PDS5B: variants seen among roughly 807,000 people sequenced by gnomAD.
PDS5B encodes the protein sister chromatid cohesion protein PDS5 homolog B.
PDS5B carries 51 observed loss-of-function variants against 184.1 expected under a neutral mutation model. That is an observed-to-expected ratio of 0.28 (90% CI 0.22 to 0.35). PDS5B has a LOEUF of 0.35. Ranked by LOEUF, PDS5B falls within the 10% of genes least tolerant of loss-of-function variation. PDS5B has a pLI of 1.00. For missense variants in PDS5B, 1,180 were observed against 1,723.3 expected (o/e 0.68, Z 5.58); for synonymous variants, 566 against 569.2 (o/e 0.99, Z 0.08).
chr13:32,655,866 T>C (rs941790965), intron 3 of PDS5B, among the ~76,000 whole-genome samples: 2 of 152,214 alleles, frequency 1.3e-5, no homozygotes, highest in East Asian at 3.8e-4. Flanking sequence ...TTTGTTGCAG[T>C]TGGTTTTGAC....
chr13:32,748,629 A>G (rs1387266123), intron 24 of PDS5B, among the ~76,000 whole-genome samples: 1 of 152,068 alleles, frequency 6.6e-6, no homozygotes, highest in African/African-American at 2.4e-5. Context: ...TGCTAAACAG[A>G]AATTTTATAC....
chr13:32,599,981 A>T (rs2057947876), intron 1 of PDS5B, among the ~76,000 whole-genome samples: 1 of 152,134 alleles, frequency 6.6e-6, no homozygotes, highest in African/African-American at 2.4e-5. Flanking sequence ...TTCTGCTTAC[A>T]CATTATTCTG....
intron 20 of PDS5B, among the ~76,000 whole-genome samples, chr13:32,734,015 A>ACACACACACAC (rs1555312887): frequency 2.6e-3 from 153 of 58,150 alleles, no homozygotes; most frequent in African/African-American, 0.018. Context: ...CACACACACA[A>ACACACACACAC]ACATATATTT....
At chr13:32,588,775 A>G (rs2057729755) in intron 1 of PDS5B, among the ~76,000 whole-genome samples, 1 of 152,242 alleles carries the variant, frequency 6.6e-6, no homozygotes, top group Non-Finnish European at 1.5e-5. Context: ...CTGTTGGATG[A>G]AAGTTGTTTA....
At chr13:32,715,730 T>C (rs1271741208) in intron 19 of PDS5B, among the ~76,000 whole-genome samples, 1 of 151,614 alleles carries the variant, frequency 6.6e-6, no homozygotes, top group Non-Finnish European at 1.5e-5. Context: ...ACTGTACTGC[T>C]GCCATCTCGG....
chr13:32,734,282 C>T (rs986687538), intron 20 of PDS5B, among the ~76,000 whole-genome samples: 2 of 152,106 alleles, frequency 1.3e-5, no homozygotes, highest in South Asian at 4.1e-4. Flanking sequence ...CTGCCTTGGC[C>T]TCCCAAAGTG....
chr13:32,753,927 A>T (rs73456798), intron 25 of PDS5B, among the ~76,000 whole-genome samples: 26 of 152,098 alleles, frequency 1.7e-4, no homozygotes, highest in Non-Finnish European at 3.4e-4. Context: ...TTGCGTGCCT[A>T]CTTTTCATCT....
intron 15 of PDS5B, among the ~76,000 whole-genome samples, chr13:32,697,409 T>C (rs1951737520): frequency 6.6e-6 from 1 of 152,142 alleles, no homozygotes; most frequent in South Asian, 2.1e-4. Context: ...GTATAGCAAA[T>C]GGATAGAGGG....
At chr13:32,652,085 T>G in intron 3 of PDS5B, 78 bp downstream of exon 3, 15 of 939,412 alleles carry the variant, frequency 1.6e-5, no homozygotes, top group South Asian at 2.7e-5. Context: ...AGTTAAGGTA[T>G]TTAGATGATT....
intron 14 of PDS5B, among the ~76,000 whole-genome samples, chr13:32,696,346 A>G (rs1949541237): frequency 6.6e-6 from 1 of 152,138 alleles, no homozygotes; most frequent in South Asian, 2.1e-4. Context: ...AATGTATTAC[A>G]TATGGTATAA....
intron 1 of PDS5B, among the ~76,000 whole-genome samples, chr13:32,613,384 T>C (rs923853136): frequency 5.3e-5 from 8 of 152,246 alleles, no homozygotes; most frequent in Non-Finnish European, 1.2e-4. Flanking sequence ...AGTTTTTCCA[T>C]GTTTTTGCCC....
chr13:32,762,167 C>G (rs956453566), intron 30 of PDS5B, among the ~76,000 whole-genome samples: 4 of 152,080 alleles, frequency 2.6e-5, no homozygotes, highest in Admixed American at 2.0e-4. Flanking sequence ...TTGAGAAAAA[C>G]AAAAGGAAAA....
intron 1 of PDS5B, among the ~76,000 whole-genome samples, chr13:32,608,181 T>A (rs1406560672): frequency 6.6e-6 from 1 of 152,164 alleles, no homozygotes; most frequent in Non-Finnish European, 1.5e-5. Flanking sequence ...TGAAGAGGGA[T>A]CTTCAGTTAA....
At chr13:32,772,943 A>G (rs998467445) in intron 33 of PDS5B, among the ~76,000 whole-genome samples, 1 of 152,116 alleles carries the variant, frequency 6.6e-6, no homozygotes. Flanking sequence ...GATGAAAGGA[A>G]GAGCAGACTT....
chr13:32,713,647 G>GA (rs1353976380), intron 19 of PDS5B, among the ~76,000 whole-genome samples: 19 of 151,910 alleles, frequency 1.3e-4, no homozygotes, highest in African/African-American at 2.4e-4. Flanking sequence ...AAATTGGAGA[G>GA]AAAAAATGGA....
chr13:32,671,223 CT>C (rs112063682), intron 7 of PDS5B, among the ~76,000 whole-genome samples: 7,346 of 152,160 alleles, frequency 0.048, 491 homozygotes, highest in African/African-American at 0.16. Flanking sequence ...AGAAGACCAA[CT>C]TGGTCATTGC....
intron 18 of PDS5B, among the ~76,000 whole-genome samples, 159 bp downstream of exon 18, chr13:32,707,198 C>G (rs543547348): frequency 2.6e-5 from 4 of 152,092 alleles, no homozygotes; most frequent in Non-Finnish European, 5.9e-5. Context: ...TTTATTCTTA[C>G]ATGTAATCTG....
intron 1 of PDS5B, among the ~76,000 whole-genome samples, chr13:32,639,280 A>C (rs1203156661): frequency 6.6e-6 from 1 of 152,212 alleles, no homozygotes; most frequent in African/African-American, 2.4e-5. Context: ...TCCTTAAAAA[A>C]TGATGTAGGC....
At chr13:32,616,203 G>A (rs527952842) in intron 1 of PDS5B, among the ~76,000 whole-genome samples, 72 of 151,578 alleles carry the variant, frequency 4.8e-4, no homozygotes, top group Non-Finnish European at 8.7e-4. Context: ...ACAGGCACCC[G>A]CCACCACACC....
Sources: gnomAD v4.1 joint callset for allele counts (sites outside exome capture counted in the v4.1 genomes callset) on GRCh38, gnomAD v4.1.1 for gene constraint, MANE v1.5 for transcripts, NCBI Gene and HGNC (gene_info 2026-07-23, HGNC 2026-07-21) for gene names.